The following RFX3 variants were observed in gnomAD, a reference collection of about 807,000 sequenced individuals.
RFX3 encodes the protein transcription factor RFX3.
In RFX3, 14 loss-of-function variants were observed where a neutral mutation model predicts 98.6. The observed-to-expected ratio is 0.14, with a 90% confidence interval of 0.09 to 0.22. The LOEUF (loss-of-function observed/expected upper bound fraction) is 0.22. Ranked by LOEUF, RFX3 falls within the 10% of genes least tolerant of loss-of-function variation. The pLI is 1.00. For synonymous variants in RFX3, 383 were observed against 328.4 expected (o/e 1.17, Z -1.80); for missense variants, 639 against 926.9 (o/e 0.69, Z 4.03).
intron 4 of RFX3, among the ~76,000 whole-genome samples, chr9:3,326,936 G>C (rs1831988605): frequency 6.6e-6 from 1 of 152,114 alleles, no homozygotes; most frequent in Non-Finnish European, 1.5e-5. Flanking sequence ...TCTCAGTCAA[G>C]AATTTCGGCC....
At chr9:3,413,484 G>T (rs959965563) in intron 1 of RFX3, among the ~76,000 whole-genome samples, 1 of 151,828 alleles carries the variant, frequency 6.6e-6, no homozygotes, top group African/African-American at 2.4e-5. Flanking sequence ...ATTTTTAAAT[G>T]GCCCACCTTT....
At chr9:3,312,299 T>C (rs948642225) in intron 4 of RFX3, among the ~76,000 whole-genome samples, 1 of 152,182 alleles carries the variant, frequency 6.6e-6, no homozygotes, top group Non-Finnish European at 1.5e-5. Flanking sequence ...AGTTTGTGGC[T>C]TTAAAACTTC....
intron 6 of RFX3, among the ~76,000 whole-genome samples, chr9:3,290,262 C>A (rs930302938): frequency 9.9e-5 from 15 of 151,540 alleles, no homozygotes; most frequent in African/African-American, 3.6e-4. Context: ...TGGGAGGAAC[C>A]CAGAACATCA....
intron 4 of RFX3, among the ~76,000 whole-genome samples, chr9:3,327,185 G>A (rs939917669): frequency 6.6e-6 from 1 of 151,746 alleles, no homozygotes; most frequent in East Asian, 1.9e-4. Flanking sequence ...CCATTTAATG[G>A]CATGGCATCT....
At chr9:3,417,426 CACAA>C (rs2132289647) in intron 1 of RFX3, among the ~76,000 whole-genome samples, 1 of 152,150 alleles carries the variant, frequency 6.6e-6, no homozygotes, top group Non-Finnish European at 1.5e-5. Flanking sequence ...CATACCTGAT[CACAA>C]ACAAATCTCA....
chr9:3,423,805 A>ATATATC (rs1843684020), intron 1 of RFX3, among the ~76,000 whole-genome samples: 2 of 138,660 alleles, frequency 1.4e-5, no homozygotes, highest in South Asian at 2.2e-4. Context: ...ATATATATAT[A>ATATATC]TATATATCTT....
At chr9:3,434,313 T>A (rs1468035888) in intron 1 of RFX3, among the ~76,000 whole-genome samples, 3 of 152,162 alleles carry the variant, frequency 2.0e-5, no homozygotes, top group Non-Finnish European at 4.4e-5. Flanking sequence ...CCACTCTGCC[T>A]TATATCATTA....
intron 9 of RFX3, among the ~76,000 whole-genome samples, chr9:3,274,471 G>A (rs1824936117): frequency 6.6e-6 from 1 of 151,944 alleles, no homozygotes; most frequent in African/African-American, 2.4e-5. Context: ...TTTGCCAGGT[G>A]AGCTGTGGTA....
intron 9 of RFX3, 175 bp downstream of exon 9, chr9:3,275,325 T>C (rs1328707291): frequency 2.2e-6 from 1 of 458,608 alleles, no homozygotes; most frequent in African/African-American, 2.0e-5. Context: ...GCATTCCTCA[T>C]CTCTCCACTC....
intron 2 of RFX3, among the ~76,000 whole-genome samples, chr9:3,367,729 A>T (rs1410420165): frequency 6.6e-6 from 1 of 152,220 alleles, no homozygotes; most frequent in African/African-American, 2.4e-5. Context: ...TAAGAGTAAC[A>T]CACATAACAA....
chr9:3,362,840 T>C (rs1429644137), intron 2 of RFX3, among the ~76,000 whole-genome samples: 2 of 152,208 alleles, frequency 1.3e-5, no homozygotes. Context: ...AGAAGCTACT[T>C]GGAAGAAGTA....
chr9:3,264,617 A>G (rs1303014077), intron 12 of RFX3, among the ~76,000 whole-genome samples: 1 of 152,202 alleles, frequency 6.6e-6, no homozygotes, highest in Non-Finnish European at 1.5e-5. Flanking sequence ...GACACATATT[A>G]TGATTTAAAG....
At chr9:3,378,797 C>T (rs1838846326) in intron 2 of RFX3, among the ~76,000 whole-genome samples, 1 of 152,124 alleles carries the variant, frequency 6.6e-6, no homozygotes, top group South Asian at 2.1e-4. Context: ...CTCAGGTGGT[C>T]CGTCTTCCTC....
intron 3 of RFX3, among the ~76,000 whole-genome samples, chr9:3,332,695 T>G (rs1174436034): frequency 6.6e-6 from 1 of 152,066 alleles, no homozygotes; most frequent in East Asian, 1.9e-4. Context: ...CATCAGGGGG[T>G]CGTGCCTACA....
intron 3 of RFX3, among the ~76,000 whole-genome samples, chr9:3,337,468 C>T (rs1157934637): frequency 6.6e-6 from 1 of 152,210 alleles, no homozygotes; most frequent in Non-Finnish European, 1.5e-5. Flanking sequence ...AGGAAATCAA[C>T]TTAGGACTCA....
At chr9:3,328,106 C>T (rs1235214286) in intron 4 of RFX3, among the ~76,000 whole-genome samples, 2 of 151,886 alleles carry the variant, frequency 1.3e-5, no homozygotes, top group Admixed American at 6.6e-5. Context: ...AATGGGGTTT[C>T]GAAGGATGGT....
At chr9:3,509,257 A>G (rs1587900023) in intron 1 of RFX3, among the ~76,000 whole-genome samples, 2 of 151,978 alleles carry the variant, frequency 1.3e-5, no homozygotes, top group Non-Finnish European at 2.9e-5. Flanking sequence ...CTCAGCTTGT[A>G]CCACCTATAT....
intron 11 of RFX3, among the ~76,000 whole-genome samples, chr9:3,267,410 A>G (rs1823788743): frequency 1.3e-5 from 2 of 151,978 alleles, no homozygotes; most frequent in East Asian, 3.8e-4. Flanking sequence ...TCTGTGCTCA[A>G]ATGAGTCTGA....
chr9:3,415,710 G>T (rs1048558056), intron 1 of RFX3, among the ~76,000 whole-genome samples: 3 of 152,026 alleles, frequency 2.0e-5, no homozygotes, highest in African/African-American at 7.3e-5. Context: ...TGTATATCAT[G>T]ACTTTCTAGT....
Sources: gnomAD v4.1 joint callset for allele counts (sites outside exome capture counted in the v4.1 genomes callset) on GRCh38, gnomAD v4.1.1 for gene constraint, MANE v1.5 for transcripts, NCBI Gene and HGNC (gene_info 2026-07-23, HGNC 2026-07-21) for gene names.